Variants in CR1 observed in about 807,000 individuals in gnomAD.
CR1 encodes complement receptor type 1.
In CR1, 116 loss-of-function variants were observed where a neutral mutation model predicts 187.3. The ratio of observed to expected loss-of-function variants is 0.62; its 90% CI spans 0.53 to 0.72. The LOEUF is 0.72. CR1 is among the 30% of genes least tolerant of loss of function. The pLI, the probability that CR1 is intolerant of heterozygous loss-of-function variation, is 0.00. For synonymous variants in CR1, 576 were observed against 747.1 expected, an observed-to-expected ratio of 0.77 and a Z score of 3.73; for missense variants, 1,731 against 2,110.7, an observed-to-expected ratio of 0.82 and a Z score of 3.52.
intron 24 of CR1, 120 bp downstream of exon 24, chr1:207,566,043 A>C: frequency 1.5e-6 from 2 of 1,341,568 alleles, no homozygotes; most frequent in Non-Finnish European, 2.1e-6. Context: ...ATTTAAAAAT[A>C]GTTTATTTTA....
rs749846096 is a variant in CR1, at chr1:207,582,018, T to C, written c.5302+15T>C. On this transcript the variant is annotated intron_variant, in intron 32 of 46. Coordinates refer to ENST00000367049, the MANE Select transcript of CR1 (RefSeq NM_000651.6). The stretch of plus-strand genomic sequence containing the variant: ...TGTGTGTGAACGTGAGTAGATGGAA[T>C]ACTTGTTCAGTCTGGATCTTTCTGT... 2 of 1,575,544 alleles carry C rather than the reference T, an allele frequency of 1.3e-6. No homozygotes were observed. The highest frequency in any genetic ancestry group is 1.7e-5 in the Admixed American group (1 of 59,572).
At chr1:207,632,655 A>G (rs1662680936) in intron 46 of CR1, among the ~76,000 whole-genome samples, 4 of 152,006 alleles carry the variant, frequency 2.6e-5, no homozygotes, top group African/African-American at 9.7e-5. Context: ...AAATTTAGCC[A>G]GGCGTGGTGG....
At chr1:207,504,429 T>C (rs781410479) in intron 1 of CR1, among the ~76,000 whole-genome samples, 1 of 151,772 alleles carries the variant, frequency 6.6e-6, no homozygotes, top group Non-Finnish European at 1.5e-5. Flanking sequence ...TCAAAATATA[T>C]AAAATAAAAG....
chr1:207,621,919 T>C, intron 43 of CR1, 54 bp from the exon 44 acceptor site: 3 of 1,480,374 alleles, frequency 2.0e-6, no homozygotes, highest in Middle Eastern at 3.5e-4. Flanking sequence ...AGAGGTCCTG[T>C]TCAATCATGT....
At chr1:207,607,399 A>G (rs973583179) in intron 36 of CR1, 63 bp downstream of exon 36, 18 of 1,256,750 alleles carry the variant, frequency 1.4e-5, no homozygotes, top group Non-Finnish European at 1.8e-5. Context: ...CCTGGAGTAC[A>G]AAGAATAAAT....
intron 35 of CR1, among the ~76,000 whole-genome samples, chr1:207,605,264 A>G (rs1041338889): frequency 5.9e-5 from 9 of 151,464 alleles, no homozygotes; most frequent in Admixed American, 3.3e-4. Context: ...TGTCAAAAAA[A>G]AAAAAAAGAA....
At chr1:207,512,932 G>A (rs1659667857) in intron 4 of CR1, among the ~76,000 whole-genome samples, 1 of 152,134 alleles carries the variant, frequency 6.6e-6, no homozygotes, top group South Asian at 2.1e-4. Flanking sequence ...AAAGGCTAGG[G>A]GAAGATTTAC....
intron 37 of CR1, among the ~76,000 whole-genome samples, chr1:207,610,078 C>A (rs542553036): frequency 1.6e-4 from 24 of 152,142 alleles, no homozygotes; most frequent in Middle Eastern, 3.4e-3. Flanking sequence ...GTATCTCTAT[C>A]CCTGGAGTGG....
intron 35 of CR1, among the ~76,000 whole-genome samples, chr1:207,591,679 A>G (rs1160132414): frequency 6.6e-6 from 1 of 151,914 alleles, no homozygotes; most frequent in Non-Finnish European, 1.5e-5. Context: ...TTTTGAAAAG[A>G]TTAACAAAAT....
intron 23 of CR1, among the ~76,000 whole-genome samples, chr1:207,565,141 A>T (rs1431426780): frequency 6.7e-6 from 1 of 149,982 alleles, no homozygotes; most frequent in East Asian, 1.9e-4. Context: ...ACAGGAGCTG[A>T]CCGGCATGGG....
Position 207,575,514 on chromosome 1 carries a change from T to G in CR1, c.4452-81T>G. The G allele has an allele frequency of 1.9e-6, 3 of 1,572,580 alleles. No homozygotes were observed. In the South Asian group the frequency reaches 3.3e-5, roughly 17 times the overall value. ...TTAGACTTCTCCTGCATTGTAATCC[T>G]TCTGGTTTGCCACATATGCATGCTG... On this transcript the variant is annotated intron_variant, in intron 27 of 46. Transcript: ENST00000367049.
At chr1:207,581,578 G>A (rs1660959185) in intron 31 of CR1, among the ~76,000 whole-genome samples, 1 of 151,958 alleles carries the variant, frequency 6.6e-6, no homozygotes, top group Non-Finnish European at 1.5e-5. Flanking sequence ...AAAATAACAT[G>A]CAAAGATTAT....
intron 46 of CR1, 124 bp downstream of exon 46, chr1:207,630,745 C>A: frequency 1.8e-6 from 1 of 566,198 alleles, no homozygotes; most frequent in Non-Finnish European, 3.0e-6. Context: ...GAAAGTACTT[C>A]AGGAGTTGGA....
At position 207,578,147 on chromosome 1, in the gene CR1, G is replaced by A. The variant is rs532533959; in HGVS notation, c.4880G>A (p.Arg1627His). The change falls in exon 29 of 47, where the codon CGT becomes CAT. Residue 1627 changes from arginine to histidine, a missense_variant. Physicochemically the swap from Arg to His is conservative, Grantham distance 29 (BLOSUM62 0). This residue lies in a region of CR1 where 1,312 missense variants were observed against 1,379.6 expected (regional missense o/e 0.95). Coordinates refer to ENST00000367049, the MANE Select transcript of CR1 (RefSeq NM_000651.6). ...GGCTTTGTCATGAAAGGACCCCGCC[G>A]TGTGAAGTGCCAGGCCCTGAACAAA... ...QPGFVMKGPR[R>H]VKCQALNKWE... The A allele has an allele frequency of 6.6e-5, 106 of 1,611,736 alleles. 1 individual carries two copies. Among genetic ancestry groups the A allele is most frequent in the South Asian group, 3.5e-4 (32 of 90,990 alleles).
chr1:207,633,165 T>C (rs1020026122), intron 46 of CR1, among the ~76,000 whole-genome samples: 1 of 152,210 alleles, frequency 6.6e-6, no homozygotes, highest in African/African-American at 2.4e-5. Flanking sequence ...AGCTCTGAAT[T>C]CAATCAACCA....
At chr1:207,622,409 G>C (rs1041845809) in intron 44 of CR1, among the ~76,000 whole-genome samples, 1 of 152,142 alleles carries the variant, frequency 6.6e-6, no homozygotes, top group Non-Finnish European at 1.5e-5. Context: ...CCATATCTGT[G>C]ATTTGCCTAA....
chr1:207,496,571 G>A (rs1033066309), intron 1 of CR1, among the ~76,000 whole-genome samples, 183 bp downstream of exon 1: 3 of 152,240 alleles, frequency 2.0e-5, no homozygotes, highest in African/African-American at 7.2e-5. Flanking sequence ...GCGCACTGGA[G>A]ACCCTCGCTG....
At chr1:207,620,107 G>T (rs1662272282) in intron 43 of CR1, 42 bp downstream of exon 43, 1 of 1,571,496 alleles carries the variant, frequency 6.4e-7, no homozygotes, top group Non-Finnish European at 8.6e-7. Flanking sequence ...CCCGGTCATG[G>T]TTATTGCTCA....
chr1:207,500,805 C>A (rs770520369), intron 1 of CR1, among the ~76,000 whole-genome samples: 2 of 152,160 alleles, frequency 1.3e-5, no homozygotes, highest in Non-Finnish European at 2.9e-5. Context: ...CACACAAAGA[C>A]TTGTACATGA....
Sources: allele counts gnomAD v4.1 joint callset (sites outside exome capture counted in the v4.1 genomes callset), GRCh38; gene constraint gnomAD v4.1.1; regional missense constraint gnomAD v4.1.1; transcripts MANE v1.5; gene names NCBI Gene and HGNC (gene_info 2026-07-23, HGNC 2026-07-21).